DCLK2: variants seen among roughly 807,000 people sequenced by gnomAD.
DCLK2 encodes the protein doublecortin like kinase 2.
DCLK2 carries 31 observed loss-of-function variants against 78.4 expected under a neutral mutation model. The ratio of observed to expected loss-of-function variants is 0.40; its 90% confidence interval spans 0.30 to 0.53. DCLK2 has a LOEUF of 0.53. DCLK2 is among the 20% of genes least tolerant of loss of function. The pLI is 0.61. For missense variants in DCLK2, 872 were observed against 973.7 expected, an observed-to-expected ratio of 0.90 and a Z score of 1.39; for synonymous variants, 407 against 374.9, an observed-to-expected ratio of 1.09 and a Z score of -0.99.
intron 10 of DCLK2, among the ~76,000 whole-genome samples, chr4:150,234,810 G>A (rs1365734668): frequency 6.6e-6 from 1 of 151,932 alleles, no homozygotes; most frequent in East Asian, 1.9e-4. Context: ...ACAAGGAATG[G>A]AGACAGAGTT....
At chr4:150,210,129 G>T (rs564580607) in intron 5 of DCLK2, among the ~76,000 whole-genome samples, 1 of 152,246 alleles carries the variant, frequency 6.6e-6, no homozygotes, top group East Asian at 1.9e-4. Context: ...GTTTGATCTT[G>T]GCATGGCCAC....
intron 2 of DCLK2, among the ~76,000 whole-genome samples, chr4:150,154,255 G>A (rs1180275020): frequency 6.6e-6 from 1 of 152,150 alleles, no homozygotes; most frequent in Non-Finnish European, 1.5e-5. Context: ...TGACCAGAGT[G>A]TCCTTTAGTT....
chr4:150,188,080 T>C (rs1435090915), intron 2 of DCLK2, among the ~76,000 whole-genome samples: 117 of 152,228 alleles, frequency 7.7e-4, no homozygotes, highest in Non-Finnish European at 1.0e-4. Context: ...ATTGCACGCG[T>C]GAGCCACTGC....
intron 2 of DCLK2, among the ~76,000 whole-genome samples, chr4:150,151,078 C>T (rs28377256): frequency 0.21 from 30,596 of 147,956 alleles, 3,266 homozygotes; most frequent in Non-Finnish European, 0.24. Flanking sequence ...GTCAGACCTC[C>T]TAGGTGGTTT....
At chr4:150,243,492 G>T (rs180900714) in intron 12 of DCLK2, among the ~76,000 whole-genome samples, 1 of 152,268 alleles carries the variant, frequency 6.6e-6, no homozygotes. Context: ...TTAAATTACG[G>T]TAAATAAGTT....
At chr4:150,157,485 G>GTTT (rs933996767) in intron 2 of DCLK2, among the ~76,000 whole-genome samples, 1 of 130,490 alleles carries the variant, frequency 7.7e-6, no homozygotes, top group African/African-American at 3.0e-5. Context: ...TGTAGAGATG[G>GTTT]TTTTTTTGTT....
intron 3 of DCLK2, among the ~76,000 whole-genome samples, chr4:150,195,297 ATT>A (rs1738848165): frequency 1.3e-4 from 1 of 7,846 alleles, no homozygotes; most frequent in African/African-American, 2.9e-4. Flanking sequence ...TATATTATAT[ATT>A]ATATATTATA....
At position 150,079,143 on chromosome 4, in the gene DCLK2, C is replaced by T. The variant is rs1312786518; in HGVS notation, c.116C>T (p.Pro39Leu). 1 of 1,596,418 alleles carries T rather than the reference C, an allele frequency of 6.3e-7. No homozygotes were observed. Among genetic ancestry groups the T allele is most frequent in the Non-Finnish European group, 8.5e-7 (1 of 1,171,614 alleles). The change falls in exon 1 of 16, where the codon CCC (proline) becomes CTC (leucine). Residue 39 changes from proline to leucine, a missense_variant. Pro to Leu is a moderately conservative substitution (Grantham distance 98). Coordinates refer to ENST00000296550, the MANE Select transcript of DCLK2 (RefSeq NM_001040260.4). ...TCCGGGGGCAGCAGCAGCTCGGGCC[C>T]CAAGGGGAACGGGCTCATCCCCAGT... ...SSSGGSSSSGPKGNGLIPSPA... is the reference protein window; with the variant it reads ...SSSGGSSSSGLKGNGLIPSPA...
chr4:150,252,307 C>A (rs1038194701), intron 15 of DCLK2, among the ~76,000 whole-genome samples: 1 of 152,162 alleles, frequency 6.6e-6, no homozygotes, highest in Admixed American at 6.5e-5. Flanking sequence ...GCATACTCAA[C>A]GTGTCATGAA....
chr4:150,112,121 T>G (rs1382930085), intron 2 of DCLK2, among the ~76,000 whole-genome samples: 4 of 152,172 alleles, frequency 2.6e-5, no homozygotes, highest in Non-Finnish European at 5.9e-5. Flanking sequence ...ATCTGTTGTG[T>G]TACCTTTGAT....
At chr4:150,115,497 T>C (rs933320750) in intron 2 of DCLK2, among the ~76,000 whole-genome samples, 1 of 152,220 alleles carries the variant, frequency 6.6e-6, no homozygotes. Context: ...TAATTTTTCT[T>C]GAATTTATTT....
intron 1 of DCLK2, among the ~76,000 whole-genome samples, chr4:150,085,409 G>A (rs936338356): frequency 2.0e-5 from 3 of 152,288 alleles, no homozygotes; most frequent in South Asian, 4.1e-4. Context: ...AGGGTGGAAG[G>A]TGAAAGCAAA....
intron 1 of DCLK2, among the ~76,000 whole-genome samples, chr4:150,093,954 A>G (rs985570310): frequency 6.6e-6 from 1 of 152,230 alleles, no homozygotes; most frequent in Non-Finnish European, 1.5e-5. Flanking sequence ...AAGAATACAC[A>G]ATGGGGAAAG....
chr4:150,140,929 C>T (rs1312136984), intron 2 of DCLK2, among the ~76,000 whole-genome samples: 2 of 152,088 alleles, frequency 1.3e-5, no homozygotes, highest in African/African-American at 4.8e-5. Flanking sequence ...AGGTGTTTTC[C>T]TACAAAACAG....
chr4:150,203,360 A>ACAAACTTCTTGGTTATC (rs1266908160), intron 4 of DCLK2, among the ~76,000 whole-genome samples: 1 of 152,216 alleles, frequency 6.6e-6, no homozygotes, highest in South Asian at 2.1e-4. Flanking sequence ...GGAGAGCCAC[A>ACAAACTTCTTGGTTATC]CAAACTTCTT....
intron 2 of DCLK2, among the ~76,000 whole-genome samples, chr4:150,151,489 A>G (rs1380631640): frequency 6.6e-6 from 1 of 152,210 alleles, no homozygotes; most frequent in Non-Finnish European, 1.5e-5. Flanking sequence ...GGACTATTGA[A>G]TTAATTCCTT....
chr4:150,178,453 C>T lies in DCLK2; in HGVS notation c.757-14685C>T, dbSNP rs1032267208. ...CATGCTTTTCGTTTCTGAACAGCCA[C>T]AGGCATGTAGCTTATTCAGAGGATT... is the stretch of plus-strand genomic sequence containing the variant. On this transcript the variant is annotated intron_variant, in intron 2 of 15. Transcript: ENST00000296550. 1.9e-4 allele frequency among the ~76,000 whole-genome samples: 29 copies of T among 151,572 alleles called. 1 individual carries two copies. Among genetic ancestry groups the T allele is most frequent in the Admixed American group, 1.6e-3 (25 of 15,226 alleles).
rs909387873 is a variant in DCLK2 at position 150,144,324 on chromosome 4, T to A, written c.756+41512T>A. Among the ~76,000 whole-genome samples the A allele has an allele frequency of 3.9e-5, 6 of 152,210 alleles. No individual in the cohort carries two copies. The East Asian group carries it at 1.2e-3, about 29-fold the overall frequency. ...TGGTTAGCCAATTTCCCCAGTACCA[T>A]TCATTGAATAGGGTGTCCTTTTCCC... On this transcript the variant is annotated intron_variant, in intron 2 of 15. Coordinates refer to ENST00000296550, the MANE Select transcript of DCLK2 (RefSeq NM_001040260.4).
At chr4:150,232,607 C>A in intron 9 of DCLK2, 75 bp from the exon 10 acceptor site, 1 of 1,543,418 alleles carries the variant, frequency 6.5e-7, no homozygotes, top group Non-Finnish European at 8.9e-7. Context: ...CTGCTTTATG[C>A]CAATGAGCCA....
Sources: allele counts gnomAD v4.1 joint callset (sites outside exome capture counted in the v4.1 genomes callset), GRCh38; gene constraint gnomAD v4.1.1; transcripts MANE v1.5; gene names NCBI Gene and HGNC (gene_info 2026-07-23, HGNC 2026-07-21).